Variants in WRN observed in about 807,000 individuals in gnomAD.
The protein encoded by WRN is bifunctional 3'-5' exonuclease/ATP-dependent helicase WRN.
WRN carries 149 observed loss-of-function variants against 180.7 expected under a neutral mutation model. That is an observed-to-expected ratio of 0.82 (90% CI 0.72 to 0.94). The LOEUF is 0.94. Among genes scored for constraint, WRN ranks in the 40% least tolerant of loss-of-function variants. The pLI is 0.00. For synonymous variants in WRN, 548 were observed against 568.9 expected (o/e 0.96, Z 0.52); for missense variants, 1,661 against 1,700.1 (o/e 0.98, Z 0.40).
At chr8:31,132,103 C>G (rs1207009357) in intron 23 of WRN, among the ~76,000 whole-genome samples, 1 of 151,730 alleles carries the variant, frequency 6.6e-6, no homozygotes, top group African/African-American at 2.4e-5. Context: ...TTTCTGTGGT[C>G]TGAGGTGCCT....
rs112304172 is a variant in WRN at position 31,084,245 on chromosome 8, C to T, written c.1350+466C>T. ...AACTCTTTACCTCAAGTAATCCACC[C>T]GCCTTGGCCTCCCAAAGTGCTGGGA... On this transcript the variant is annotated intron_variant, in intron 10 of 34. Transcript: ENST00000298139. Among the ~76,000 whole-genome samples, 576 of 152,224 alleles carry T rather than the reference C, an allele frequency of 3.8e-3. 3 individuals carry two copies. Among genetic ancestry groups the T allele is most frequent in the African/African-American group, 0.011 (467 of 41,554 alleles).
At chr8:31,051,897 A>T (rs1812089986) in intron 1 of WRN, among the ~76,000 whole-genome samples, 1 of 152,238 alleles carries the variant, frequency 6.6e-6, no homozygotes, top group South Asian at 2.1e-4. Context: ...ACTGTGTGCT[A>T]AATGGTTTCT....
chr8:31,100,163 A>AT (rs2130224967), intron 17 of WRN, among the ~76,000 whole-genome samples: 1 of 152,328 alleles, frequency 6.6e-6, no homozygotes, highest in Non-Finnish European at 1.5e-5. Context: ...GTCACGGATG[A>AT]TTTTACAATA....
At chr8:31,087,735 T>C (rs1813587754) in intron 11 of WRN, 41 bp from the exon 12 acceptor site, 1 of 1,590,360 alleles carries the variant, frequency 6.3e-7, no homozygotes, top group South Asian at 1.1e-5. Flanking sequence ...GATACGACAC[T>C]GTCAGTGGTT....
rs558126421 is a variant in WRN at position 31,142,909 on chromosome 8, A to G, written c.3309+208A>G. ...ATAAAGAATTGGAGGTATTTGAGAA[A>G]GGAATTAATTTGGGTTCTTTTAAAC... is the stretch of plus-strand genomic sequence containing the variant. On this transcript the variant is annotated intron_variant, in intron 27 of 34. Coordinates refer to ENST00000298139, the MANE Select transcript of WRN (RefSeq NM_000553.6). Among the ~76,000 whole-genome samples the G allele has an allele frequency of 1.4e-4, 22 of 152,218 alleles. No homozygotes were observed. In the South Asian group the frequency reaches 4.3e-3, roughly 30 times the overall value.
intron 18 of WRN, among the ~76,000 whole-genome samples, chr8:31,106,211 C>A (rs1027976739): frequency 6.6e-6 from 1 of 152,156 alleles, no homozygotes; most frequent in Non-Finnish European, 1.5e-5. Context: ...AATCACTTCT[C>A]TCTTGATCCC....
intron 19 of WRN, 71 bp from the exon 20 acceptor site, chr8:31,116,283 G>A (rs1418083113): frequency 6.6e-7 from 1 of 1,522,688 alleles, no homozygotes; most frequent in Admixed American, 1.9e-5. Flanking sequence ...AATTAAATAA[G>A]ATAAAACCAA....
At chr8:31,097,768 G>A (rs1243441851) in intron 17 of WRN, among the ~76,000 whole-genome samples, 1 of 151,962 alleles carries the variant, frequency 6.6e-6, no homozygotes, top group African/African-American at 2.4e-5. Flanking sequence ...AACAGAGCGA[G>A]ACCATGCCTC....
At chr8:31,143,159 T>G (rs1403268926) in intron 27 of WRN, among the ~76,000 whole-genome samples, 1 of 152,070 alleles carries the variant, frequency 6.6e-6, no homozygotes, top group Non-Finnish European at 1.5e-5. Flanking sequence ...GATTAAATAC[T>G]AATCCACTGG....
At chr8:31,080,132 C>T (rs1281946182) in intron 8 of WRN, among the ~76,000 whole-genome samples, 1 of 152,198 alleles carries the variant, frequency 6.6e-6, no homozygotes, top group Non-Finnish European at 1.5e-5. Context: ...TCACCTGCCT[C>T]AGCCTCCCAA....
At chr8:31,127,595 C>CA (rs1176878266) in intron 23 of WRN, among the ~76,000 whole-genome samples, 2 of 150,898 alleles carry the variant, frequency 1.3e-5, no homozygotes, top group Non-Finnish European at 3.0e-5. Context: ...TAAAAAAAAA[C>CA]AAAAACAAAA....
intron 21 of WRN, among the ~76,000 whole-genome samples, chr8:31,122,868 T>TG (rs1801777135): frequency 1.5e-5 from 2 of 131,598 alleles, no homozygotes; most frequent in African/African-American, 6.7e-5. Flanking sequence ...TTGTTTTTTT[T>TG]TTTTTTTTTT....
intron 20 of WRN, among the ~76,000 whole-genome samples, chr8:31,118,136 A>G (rs1471539881): frequency 6.6e-6 from 1 of 152,110 alleles, no homozygotes; most frequent in Non-Finnish European, 1.5e-5. Flanking sequence ...GATGCGCCTG[A>G]TTTTCCTGCC....
At position 31,111,712 on chromosome 8, in the gene WRN, G is replaced by A; in HGVS notation, c.2186G>A (p.Gly729Asp). ...NLRNPQITCT[G>D]FDRPNLYLEV... ...AGAAATCCTCAGATCACCTGTACTG[G>A]TTTTGATCGACCAAACCTGTATTTA... Residue 729 changes from glycine (G) to aspartate (D), a missense_variant, in exon 19 of 35, where the codon GGT becomes GAT. Gly to Asp is a moderately conservative substitution (Grantham distance 94). Coordinates refer to ENST00000298139, the MANE Select transcript of WRN (RefSeq NM_000553.6). 6.2e-7 allele frequency: 1 copy of A among 1,614,060 alleles called. No homozygotes were observed. The highest frequency in any genetic ancestry group is 8.5e-7 in the Non-Finnish European group (1 of 1,179,984).
chr8:31,054,443 T>C (rs1404050132), intron 1 of WRN, among the ~76,000 whole-genome samples: 1 of 152,148 alleles, frequency 6.6e-6, no homozygotes, highest in Non-Finnish European at 1.5e-5. Flanking sequence ...AAGTTAGTCT[T>C]GAACTCCTGC....
At chr8:31,160,674 A>G (rs1033238391) in intron 33 of WRN, among the ~76,000 whole-genome samples, 2 of 152,166 alleles carry the variant, frequency 1.3e-5, no homozygotes, top group African/African-American at 4.8e-5. Context: ...ATTGAGTAAT[A>G]GGCAATATTC....
chr8:31,044,786 A>G (rs926069633), intron 1 of WRN, among the ~76,000 whole-genome samples: 2 of 152,222 alleles, frequency 1.3e-5, no homozygotes, highest in African/African-American at 4.8e-5. Flanking sequence ...GCAGCTTAGT[A>G]TGCCATATTT....
intron 1 of WRN, among the ~76,000 whole-genome samples, chr8:31,044,050 G>GTT (rs1285528172): frequency 1.4e-5 from 2 of 147,880 alleles, no homozygotes; most frequent in African/African-American, 5.0e-5. Context: ...CTTTTTTCTT[G>GTT]TTTTTTTTTT....
chr8:31,057,671 A>G lies in WRN; in HGVS notation c.-76-701A>G, dbSNP rs543812087. The stretch of plus-strand genomic sequence containing the variant: ...TTGCTAAGAACTAAGCCTTGAACTA[A>G]GGCTATTTTATTTGAGTATGAGTCA... On this transcript the variant is annotated intron_variant, in intron 1 of 34. Transcript: ENST00000298139. 4.6e-5 allele frequency among the ~76,000 whole-genome samples: 7 copies of G among 152,292 alleles called. No individual in the cohort carries two copies. In the South Asian group the frequency reaches 1.5e-3, roughly 32 times the overall value.
Sources: gnomAD v4.1 joint callset for allele counts (sites outside exome capture counted in the v4.1 genomes callset) on GRCh38, gnomAD v4.1.1 for gene constraint, MANE v1.5 for transcripts, NCBI Gene and HGNC (gene_info 2026-07-23, HGNC 2026-07-21) for gene names.